The following SCEL variants were observed in gnomAD, a reference collection of about 807,000 sequenced individuals.
SCEL encodes sciellin.
SCEL carries 113 observed loss-of-function variants against 117.6 expected under a neutral mutation model. That is an observed-to-expected ratio of 0.96 (90% CI 0.83 to 1.12). The LOEUF is 1.12. Among genes scored for constraint, SCEL ranks in the 50% most tolerant of loss-of-function variants. The pLI is 0.00. For missense variants in SCEL, 785 were observed against 810.8 expected (o/e 0.97, Z 0.39); for synonymous variants, 270 against 256.2 (o/e 1.05, Z -0.51).
chr13:77,642,862 G>T, intron 32 of SCEL, 54 bp downstream of exon 32: 2 of 904,372 alleles, frequency 2.2e-6, no homozygotes, highest in South Asian at 1.9e-5. Flanking sequence ...ATGAGCATTT[G>T]GTATCATTTA....
chr13:77,549,176 C>T (rs186012160), intron 1 of SCEL, among the ~76,000 whole-genome samples: 43 of 152,188 alleles, frequency 2.8e-4, no homozygotes, highest in Admixed American at 8.5e-4. Flanking sequence ...ATATTCCCAC[C>T]AACAGTGTAT....
intron 28 of SCEL, among the ~76,000 whole-genome samples, chr13:77,629,707 T>G (rs572611759): frequency 3.3e-5 from 5 of 152,250 alleles, no homozygotes; most frequent in African/African-American, 7.2e-5. Context: ...GATCGGAGAC[T>G]TCAGAATGAA....
At chr13:77,550,832 T>G (rs2084277346) in intron 1 of SCEL, among the ~76,000 whole-genome samples, 1 of 152,122 alleles carries the variant, frequency 6.6e-6, no homozygotes, top group Non-Finnish European at 1.5e-5. Flanking sequence ...CATGTATAAG[T>G]TTTTGTGTGG....
chr13:77,620,611 A>G (rs76467960), intron 27 of SCEL, among the ~76,000 whole-genome samples: 6,860 of 152,234 alleles, frequency 0.045, 238 homozygotes, highest in Admixed American at 0.081. Flanking sequence ...AATTTGCATG[A>G]CTTGTAGCAG....
intron 8 of SCEL, 56 bp from the exon 9 acceptor site, chr13:77,572,067 TG>T: frequency 7.2e-7 from 1 of 1,390,140 alleles, no homozygotes; most frequent in Non-Finnish European, 1.0e-6. Flanking sequence ...TTTTCAGACA[TG>T]TGGGTGGGAT....
intron 9 of SCEL, among the ~76,000 whole-genome samples, chr13:77,582,790 C>G (rs1318038899): frequency 3.9e-5 from 6 of 152,162 alleles, no homozygotes; most frequent in African/African-American, 1.4e-4. Context: ...TTTAAGAACT[C>G]TTTGCTTAAC....
chr13:77,573,521 T>A (rs1201912274), intron 9 of SCEL, among the ~76,000 whole-genome samples: 1 of 152,246 alleles, frequency 6.6e-6, no homozygotes, highest in Non-Finnish European at 1.5e-5. Flanking sequence ...GTAATGGATA[T>A]GTTTAGAAAT....
At position 77,602,125 on chromosome 13, in the gene SCEL, G is replaced by A. The variant is rs746624961; in HGVS notation, c.977+1G>A. ...AAAGGACTGACAAAAATGAGAAAGG[G>A]TAAGTCAATCTCCTACCTTGATGGA... On this transcript the variant is annotated splice_donor_variant, in intron 16 of 32. Coordinates refer to ENST00000349847, the MANE Select transcript of SCEL (RefSeq NM_144777.3). LOFTEE classifies it high-confidence loss of function. 3 of 1,610,456 alleles carry A rather than the reference G, an allele frequency of 1.9e-6. No homozygotes were observed. The highest frequency in any genetic ancestry group is 1.1e-5 in the South Asian group (1 of 90,456).
intron 9 of SCEL, among the ~76,000 whole-genome samples, chr13:77,584,838 C>A (rs889482658): frequency 6.6e-6 from 1 of 152,168 alleles, no homozygotes; most frequent in Admixed American, 6.5e-5. Context: ...GATGCATACA[C>A]CCAACACAAG....
chr13:77,561,544 C>T (rs1593935906), intron 4 of SCEL, among the ~76,000 whole-genome samples: 1 of 152,200 alleles, frequency 6.6e-6, no homozygotes, highest in African/African-American at 2.4e-5. Context: ...CATTTTTCTG[C>T]TCTGCAGAGG....
chr13:77,578,474 C>T (rs2154398494), intron 9 of SCEL, among the ~76,000 whole-genome samples: 1 of 152,098 alleles, frequency 6.6e-6, no homozygotes, highest in South Asian at 2.1e-4. Context: ...CTTTTTGGCC[C>T]CAAACGTTGG....
chr13:77,616,160 G>C (rs2154403676), intron 24 of SCEL, among the ~76,000 whole-genome samples: 1 of 151,824 alleles, frequency 6.6e-6, no homozygotes, highest in South Asian at 2.1e-4. Context: ...TTAAATTTTT[G>C]TGCTCAGTAG....
chr13:77,630,717 T>C (rs2089984477), intron 28 of SCEL, among the ~76,000 whole-genome samples: 1 of 152,228 alleles, frequency 6.6e-6, no homozygotes, highest in Admixed American at 6.5e-5. Context: ...TTTTCTCAAG[T>C]GTAAATCCAT....
chr13:77,612,238 T>A (rs2088688221), intron 22 of SCEL, among the ~76,000 whole-genome samples: 1 of 152,134 alleles, frequency 6.6e-6, no homozygotes, highest in African/African-American at 2.4e-5. Flanking sequence ...ATTACTGTGA[T>A]AACAGCAGCA....
Position 77,640,105 on chromosome 13 carries a change from C to T in SCEL, c.1839-571C>T, listed in dbSNP as rs75510181. ...TTGCTGGAGGGTATAAATTTTGTCA[C>T]GATAGGTATCCTTATATCCTGAGTC... On this transcript the variant is annotated intron_variant, in intron 30 of 32. Coordinates refer to ENST00000349847, the MANE Select transcript of SCEL (RefSeq NM_144777.3). 5.3e-4 allele frequency among the ~76,000 whole-genome samples: 80 copies of T among 152,120 alleles called. No homozygotes were observed. The East Asian group carries it at 8.1e-3, about 15-fold the overall frequency.
intron 20 of SCEL, among the ~76,000 whole-genome samples, chr13:77,608,770 A>AT (rs1012554680): frequency 3.3e-5 from 5 of 152,318 alleles, no homozygotes; most frequent in African/African-American, 1.2e-4. Context: ...CCAGGTGAGA[A>AT]TTTTTAGCAG....
intron 28 of SCEL, among the ~76,000 whole-genome samples, chr13:77,629,701 G>A (rs750728393): frequency 1.3e-5 from 2 of 152,042 alleles, no homozygotes; most frequent in South Asian, 4.1e-4. Flanking sequence ...ACCTGTGATC[G>A]GAGACTTCAG....
intron 13 of SCEL, among the ~76,000 whole-genome samples, chr13:77,598,671 G>T (rs1433770738): frequency 6.6e-6 from 1 of 152,106 alleles, no homozygotes; most frequent in Non-Finnish European, 1.5e-5. Flanking sequence ...TGAAAATCCA[G>T]TTTTGTTGTT....
rs189851787 is a variant in SCEL at position 77,554,711 on chromosome 13, T to C, written c.-19-1146T>C. Among the ~76,000 whole-genome samples, 164 of 152,334 alleles carry C rather than the reference T, an allele frequency of 1.1e-3. 1 individual carries two copies. Among genetic ancestry groups the C allele is most frequent in the African/African-American group, 3.8e-3 (156 of 41,590 alleles). On this transcript the variant is annotated intron_variant, in intron 1 of 32. Transcript: ENST00000349847. ...TTAGGAAGTAGATGGCAGGTTTCAA[T>C]AGCCTCATTTTGCAGGGAGGTTAAG...
Sources: allele counts gnomAD v4.1 joint callset (sites outside exome capture counted in the v4.1 genomes callset), GRCh38; gene constraint gnomAD v4.1.1; transcripts MANE v1.5; gene names NCBI Gene and HGNC (gene_info 2026-07-23, HGNC 2026-07-21).